The following RFC1 variants were observed in gnomAD, a reference collection of about 807,000 sequenced individuals.
The protein encoded by RFC1 is replication factor C subunit 1.
Under a neutral mutation model 137.4 loss-of-function variants are expected in RFC1, and 37 were observed. That is an observed-to-expected ratio of 0.27 (90% confidence interval 0.21 to 0.35). The LOEUF (loss-of-function observed/expected upper bound fraction) is 0.35. Among genes scored for constraint, RFC1 ranks in the 10% least tolerant of loss-of-function variants. RFC1 has a pLI of 1.00. For missense variants in RFC1, 1,205 were observed against 1,358.5 expected (o/e 0.89, Z 1.78); for synonymous variants, 429 against 455.7 (o/e 0.94, Z 0.75).
chr4:39,300,648 A>G (rs1183148226), intron 19 of RFC1, among the ~76,000 whole-genome samples: 1 of 152,252 alleles, frequency 6.6e-6, no homozygotes, highest in Non-Finnish European at 1.5e-5. Context: ...AAATCTGCAC[A>G]GGATGTTTAC....
At chr4:39,362,668 G>C (rs1365612541) in intron 1 of RFC1, among the ~76,000 whole-genome samples, 1 of 152,144 alleles carries the variant, frequency 6.6e-6, no homozygotes, top group Admixed American at 6.5e-5. Flanking sequence ...CTAAATGTAA[G>C]AGCTAAAACT....
At chr4:39,301,142 C>A (rs1216042246) in intron 19 of RFC1, among the ~76,000 whole-genome samples, 4 of 151,210 alleles carry the variant, frequency 2.6e-5, no homozygotes, top group African/African-American at 7.3e-5. Context: ...TATGGAAGAA[C>A]CTTATATGCC....
intron 10 of RFC1, 107 bp downstream of exon 10, chr4:39,316,808 C>G: frequency 3.1e-6 from 2 of 646,228 alleles, no homozygotes; most frequent in Non-Finnish European, 5.4e-6. Context: ...TTTTCTGTTG[C>G]TCATTTTTAA....
Position 39,295,733 on chromosome 4 carries a change from T to G in RFC1, c.2835A>C (p.Gly945=). The change falls in exon 22 of 25, where the codon GGA becomes GGC. Residue 945 remains glycine (G), a synonymous_variant. Coordinates refer to ENST00000349703, the MANE Select transcript of RFC1 (RefSeq NM_002913.5). ...GGGTCATGTACCCCCTCATCAACTC[T>G]CCAGGAAGAACACTGGCATAAATGG... ...AQAIYASVLP[G]ELMRGYMTQF... 1 of 1,611,506 alleles carries G rather than the reference T, an allele frequency of 6.2e-7. No homozygotes were observed. The highest frequency in any genetic ancestry group is 8.5e-7 in the Non-Finnish European group (1 of 1,179,238).
At position 39,293,927 on chromosome 4, in the gene RFC1, C is replaced by T. The variant is rs1241065675; in HGVS notation, c.2954+1687G>A. On this transcript the variant is annotated intron_variant, in intron 22 of 24. Coordinates refer to ENST00000349703, the MANE Select transcript of RFC1 (RefSeq NM_002913.5). ...CAGACTTTCCAGCTTCTGGAGGCCA[C>T]CTGCATGTCTTGGCTGATGGTCCCT... Among the ~76,000 whole-genome samples the T allele has an allele frequency of 2.6e-5, 4 of 152,284 alleles. No homozygotes were observed. In the East Asian group the frequency reaches 7.7e-4, roughly 29 times the overall value.
chr4:39,320,800 A>G (rs1448440278), intron 8 of RFC1, 131 bp from the exon 9 acceptor site: 1 of 741,638 alleles, frequency 1.3e-6, no homozygotes, highest in East Asian at 3.1e-5. Context: ...TAAAGTGTCA[A>G]GACCATCTGT....
At chr4:39,324,254 T>C (rs967118861) in intron 6 of RFC1, among the ~76,000 whole-genome samples, 1 of 152,158 alleles carries the variant, frequency 6.6e-6, no homozygotes, top group Non-Finnish European at 1.5e-5. Flanking sequence ...GGAAAAACTC[T>C]TACAGGGATA....
intron 19 of RFC1, 149 bp downstream of exon 19, chr4:39,302,129 C>T: frequency 2.1e-6 from 1 of 471,918 alleles, no homozygotes; most frequent in Admixed American, 3.8e-5. Context: ...ATTAGAAACA[C>T]TTTCAGCAGC....
At chr4:39,307,459 G>A (rs1738734251) in intron 13 of RFC1, 1 of 152,934 alleles carries the variant, frequency 6.5e-6, no homozygotes, top group Non-Finnish European at 1.5e-5. Flanking sequence ...GCTCACGCCT[G>A]TAATCTCAGC....
At chr4:39,340,439 A>G (rs1234481182) in intron 4 of RFC1, among the ~76,000 whole-genome samples, 4 of 152,176 alleles carry the variant, frequency 2.6e-5, no homozygotes, top group African/African-American at 9.6e-5. Context: ...GGAATGAGGT[A>G]TTGCCCAATT....
intron 4 of RFC1, among the ~76,000 whole-genome samples, chr4:39,331,483 A>G (rs1477682475): frequency 6.6e-6 from 1 of 152,188 alleles, no homozygotes; most frequent in Non-Finnish European, 1.5e-5. Context: ...GGGGAAGACA[A>G]AAAGTAAATG....
At chr4:39,312,717 AG>A in intron 11 of RFC1, 34 bp downstream of exon 11, 1 of 1,574,400 alleles carries the variant, frequency 6.4e-7, no homozygotes, top group Non-Finnish European at 8.7e-7. Flanking sequence ...GGCAGGCAGG[AG>A]GTGTCATGGT....
Position 39,303,151 on chromosome 4 carries a change from T to G in RFC1, c.2111A>C (p.Asn704Thr). The G allele has an allele frequency of 6.2e-7, 1 of 1,610,598 alleles. No individual in the cohort carries two copies. The highest frequency in any genetic ancestry group is 8.5e-7 in the Non-Finnish European group (1 of 1,176,934). ...CGTGCTTACTGAAGAGGCTGCTCCA[T>G]CTGACCCAGGTTGAGGAGCAATGGG... ...NNTSIKGFYSNGAASSVSTKH... is the reference protein window; with the variant it reads ...NNTSIKGFYSTGAASSVSTKH... The change falls in exon 16 of 25, where the codon AAT (asparagine) becomes ACT (threonine). Residue 704 changes from asparagine (N) to threonine (T), a missense_variant and splice_region_variant. By Grantham distance (65) the Asn-to-Thr change is moderately conservative. Coordinates refer to ENST00000349703, the MANE Select transcript of RFC1 (RefSeq NM_002913.5).
At position 39,363,306 on chromosome 4, in the gene RFC1, G is replaced by A. The variant is rs532846515; in HGVS notation, c.3+2933C>T. Among the ~76,000 whole-genome samples the A allele has an allele frequency of 1.7e-3, 254 of 151,792 alleles. 1 individual carries two copies. The highest frequency in any genetic ancestry group is 5.7e-3 in the African/African-American group (238 of 41,396). ...TATTTATTTACGTGGTTCAAATTTC[G>A]AAAGGGTAAAAAGTCCCCCTCTTAT... On this transcript the variant is annotated intron_variant, in intron 1 of 24. Transcript: ENST00000349703.
chr4:39,288,924 A>ATGAGTAAATG, intron 24 of RFC1, 80 bp from the exon 25 acceptor site: 1 of 883,176 alleles, frequency 1.1e-6, no homozygotes, highest in African/African-American at 1.7e-5. Context: ...TAACAAATCT[A>ATGAGTAAATG]ATCTTTACCT....
intron 14 of RFC1, among the ~76,000 whole-genome samples, chr4:39,306,297 G>A (rs1420452327): frequency 1.3e-5 from 2 of 152,198 alleles, no homozygotes; most frequent in Non-Finnish European, 2.9e-5. Context: ...ATCTTTCAGA[G>A]TCTAGAATAC....
In RFC1 at chr4:39,345,493, AT is replaced by A; in HGVS notation, c.133-18del. 6.3e-7 allele frequency: 1 copy of A among 1,587,484 alleles called. No individual in the cohort carries two copies. Among genetic ancestry groups the A allele is most frequent in the Non-Finnish European group, 8.6e-7 (1 of 1,162,510 alleles). ...GCTATTTACCTATAAACATCACAAT[AT>A]AATTAGAACATAAAGAAGCCTATAT... On this transcript the variant is annotated intron_variant, in intron 2 of 24. Transcript: ENST00000349703.
intron 1 of RFC1, among the ~76,000 whole-genome samples, chr4:39,352,969 C>T (rs1578169905): frequency 6.6e-6 from 1 of 152,172 alleles, no homozygotes; most frequent in South Asian, 2.1e-4. Flanking sequence ...GCAATTATTT[C>T]CTAGATCCTG....
intron 16 of RFC1, 55 bp from the exon 17 acceptor site, chr4:39,302,929 C>G: frequency 6.5e-7 from 1 of 1,537,342 alleles, no homozygotes; most frequent in South Asian, 1.2e-5. Flanking sequence ...ACAAATACCA[C>G]ACAAGCTATT....
Sources: gnomAD v4.1 joint callset for allele counts (sites outside exome capture counted in the v4.1 genomes callset) on GRCh38, gnomAD v4.1.1 for gene constraint, MANE v1.5 for transcripts, NCBI Gene and HGNC (gene_info 2026-07-23, HGNC 2026-07-21) for gene names.